The following PLEKHA8 variants were observed in gnomAD, a reference collection of about 807,000 sequenced individuals.
PLEKHA8 encodes pleckstrin homology domain containing A8, also known as pleckstrin homology domain-containing family A member 8.
PLEKHA8 carries 36 observed loss-of-function variants against 68.2 expected under a neutral mutation model. The ratio of observed to expected loss-of-function variants is 0.53; its 90% CI spans 0.40 to 0.70. PLEKHA8 has a LOEUF of 0.70. Ranked by LOEUF, PLEKHA8 falls within the 30% of genes least tolerant of loss-of-function variation. The probability of loss-of-function intolerance (pLI) is 0.00; values close to 1 mark genes in which losing one functional copy is unlikely to be tolerated. For missense variants in PLEKHA8, 505 were observed against 615.4 expected, an observed-to-expected ratio of 0.82 and a Z score of 1.90; for synonymous variants, 211 against 216.1, an observed-to-expected ratio of 0.98 and a Z score of 0.20.
chr7:30,081,282 T>G lies in PLEKHA8; in HGVS notation c.*2495T>G. The G allele has an allele frequency of 1.0e-6, 1 of 985,412 alleles. No individual in the cohort carries two copies. Among genetic ancestry groups the G allele is most frequent in the Non-Finnish European group, 1.2e-6 (1 of 829,900 alleles). The allele number at this position is 985,412 out of a possible 1,614,324, so 61.0% of individuals were successfully genotyped here. On this transcript the variant is annotated 3_prime_UTR_variant, in exon 14 of 14. Transcript: ENST00000449726. ...AATAGGTATTTTCCCCACTGGAGCATATTACGTTTGCCTAAGATGTATAAA... is the reference window on the plus strand; with the variant it reads ...AATAGGTATTTTCCCCACTGGAGCAGATTACGTTTGCCTAAGATGTATAAA...
intron 4 of PLEKHA8, among the ~76,000 whole-genome samples, chr7:30,048,971 T>TA (rs1792182511): frequency 6.6e-6 from 1 of 152,210 alleles, no homozygotes; most frequent in Non-Finnish European, 1.5e-5. Context: ...TTACAACTAA[T>TA]ACAATGTAAA....
At chr7:30,074,347 G>T (rs1373406559) in intron 13 of PLEKHA8, among the ~76,000 whole-genome samples, 1 of 151,864 alleles carries the variant, frequency 6.6e-6, no homozygotes, top group East Asian at 1.9e-4. Context: ...ACGTTTATAG[G>T]CCTTTGGTGT....
chr7:30,036,336 A>G (rs998407980), intron 1 of PLEKHA8, among the ~76,000 whole-genome samples: 5 of 152,104 alleles, frequency 3.3e-5, no homozygotes. Context: ...AGATGGATAG[A>G]TGGGTGACAG....
intron 9 of PLEKHA8, among the ~76,000 whole-genome samples, chr7:30,058,814 G>A (rs986397936): frequency 6.6e-6 from 1 of 152,138 alleles, no homozygotes; most frequent in Non-Finnish European, 1.5e-5. Flanking sequence ...AAACCAATTA[G>A]GGGAAAGCTG....
At chr7:30,087,794 G>C (rs1795239388), downstream of PLEKHA8, among the ~76,000 whole-genome samples, 2 of 152,150 alleles carry the variant, frequency 1.3e-5, no homozygotes, top group South Asian at 4.1e-4. Context: ...AATCTTCCCA[G>C]ACTCAACACA....
intron 13 of PLEKHA8, among the ~76,000 whole-genome samples, chr7:30,115,618 A>C (rs1190425860): frequency 1.3e-5 from 2 of 151,714 alleles, no homozygotes; most frequent in Non-Finnish European, 2.9e-5. Context: ...TTATACATGC[A>C]CACATACATG....
chr7:30,094,264 GCAA>G (rs1253258759), downstream of PLEKHA8, among the ~76,000 whole-genome samples: 21 of 150,964 alleles, frequency 1.4e-4, no homozygotes, highest in Admixed American at 1.4e-3. Flanking sequence ...TGGTAGGAGA[GCAA>G]GTTTCTACTT....
intron 13 of PLEKHA8, among the ~76,000 whole-genome samples, chr7:30,096,524 C>T (rs6952063): frequency 0.034 from 5,189 of 152,246 alleles, 276 homozygotes; most frequent in African/African-American, 0.1. Flanking sequence ...ATTTCCTTCT[C>T]CTGCCTGATT....
chr7:30,045,699 G>A lies in PLEKHA8; in HGVS notation c.157+498G>A, dbSNP rs563204608. 2.7e-3 allele frequency among the ~76,000 whole-genome samples: 407 copies of A among 152,248 alleles called. 2 individuals are homozygous for A. Among genetic ancestry groups the A allele is most frequent in the African/African-American group, 9.5e-3 (396 of 41,562 alleles). ...ATGGGAATTTAGGTAGTGGATGTGG[G>A]TGAAAGACTTTGGTTTGCTTGTTTC... On this transcript the variant is annotated intron_variant, in intron 2 of 13. Coordinates refer to ENST00000449726, the MANE Select transcript of PLEKHA8 (RefSeq NM_001197026.2).
At chr7:30,074,942 C>G (rs1159786113) in intron 13 of PLEKHA8, 1 of 152,126 alleles carries the variant, frequency 6.6e-6, no homozygotes, top group Non-Finnish European at 1.5e-5. Flanking sequence ...TCCTTTATGT[C>G]AGCAATACAC....
intron 12 of PLEKHA8, among the ~76,000 whole-genome samples, chr7:30,065,547 T>C (rs1793785654): frequency 6.6e-6 from 1 of 152,136 alleles, no homozygotes. Context: ...TAATGGTTCC[T>C]TTTTCTCATT....
At chr7:30,106,819 A>ATT (rs1359251427) in intron 13 of PLEKHA8, among the ~76,000 whole-genome samples, 1 of 152,236 alleles carries the variant, frequency 6.6e-6, no homozygotes, top group African/African-American at 2.4e-5. Context: ...ATTGGGCATT[A>ATT]TAAGTAATTT....
intron 9 of PLEKHA8, 105 bp from the exon 10 acceptor site, chr7:30,060,779 A>C: frequency 1.1e-6 from 1 of 885,916 alleles, no homozygotes; most frequent in Non-Finnish European, 1.8e-6. Flanking sequence ...TGGAAGCAAA[A>C]ATTAAAGTTG....
chr7:30,067,766 C>T (rs975866550), intron 12 of PLEKHA8, among the ~76,000 whole-genome samples: 7 of 152,318 alleles, frequency 4.6e-5, no homozygotes, highest in African/African-American at 1.7e-4. Context: ...TCAGTATTTT[C>T]AGACTTTAGC....
intron 13 of PLEKHA8, among the ~76,000 whole-genome samples, chr7:30,121,334 C>CT (rs568989763): frequency 1.4e-5 from 2 of 148,094 alleles, no homozygotes; most frequent in Admixed American, 1.3e-4. Context: ...GGATGAAAAA[C>CT]TTACAGTTTA....
At chr7:30,035,030 G>A (rs1251938366) in intron 1 of PLEKHA8, among the ~76,000 whole-genome samples, 1 of 152,010 alleles carries the variant, frequency 6.6e-6, no homozygotes, top group African/African-American at 2.4e-5. Context: ...TGTACGATAT[G>A]AGGTAAGAGT....
At chr7:30,129,432 A>C in exon 14 of PLEKHA8, 360 of 1,065,646 alleles carry the variant, frequency 3.4e-4, no homozygotes, top group Non-Finnish European at 4.6e-4. Context: ...TCCAGATCTC[A>C]TTCATGTGAA....
In PLEKHA8 at chr7:30,078,149, C is replaced by T. The variant is rs962728016; in HGVS notation, c.1363-441C>T. Among the ~76,000 whole-genome samples, 9 of 151,962 alleles carry T rather than the reference C, an allele frequency of 5.9e-5. No individual in the cohort carries two copies. In the South Asian group the frequency reaches 6.2e-4, roughly 10 times the overall value. ...TCTTATGGGGGAAAAATAGAAGATA[C>T]GCAAAGAAATATATAGAGATGAGAT... On this transcript the variant is annotated intron_variant, in intron 13 of 13. Coordinates refer to ENST00000449726, the MANE Select transcript of PLEKHA8 (RefSeq NM_001197026.2).
intron 12 of PLEKHA8, among the ~76,000 whole-genome samples, chr7:30,067,799 C>A (rs1294088632): frequency 6.6e-6 from 1 of 152,170 alleles, no homozygotes; most frequent in Non-Finnish European, 1.5e-5. Context: ...GGCTTGTAGT[C>A]CTGGCTCATT....
Sources: allele counts gnomAD v4.1 joint callset (sites outside exome capture counted in the v4.1 genomes callset), GRCh38; gene constraint gnomAD v4.1.1; transcripts MANE v1.5; gene names NCBI Gene and HGNC (gene_info 2026-07-23, HGNC 2026-07-21).